Variants in SCFD1 observed in about 807,000 individuals in gnomAD.
SCFD1 encodes the protein sec1 family domain-containing protein 1.
A neutral mutation model predicts 103.2 loss-of-function variants in SCFD1; 37 were observed. The ratio of observed to expected loss-of-function variants is 0.36; its 90% confidence interval spans 0.28 to 0.47. SCFD1 has a LOEUF of 0.47. Among genes scored for constraint, SCFD1 ranks in the 20% least tolerant of loss-of-function variants. The pLI is 1.00. For missense variants in SCFD1, 639 were observed against 761.2 expected (o/e 0.84, Z 1.89); for synonymous variants, 264 against 245.0 (o/e 1.08, Z -0.73).
At chr14:30,653,711 C>A in intron 10 of SCFD1, 123 bp downstream of exon 10, 1 of 610,022 alleles carries the variant, frequency 1.6e-6, no homozygotes, top group Non-Finnish European at 2.8e-6. Context: ...GACCTATGAA[C>A]AAAACAAGTG....
At chr14:30,680,534 T>C (rs1265112458) in intron 14 of SCFD1, among the ~76,000 whole-genome samples, 1 of 152,228 alleles carries the variant, frequency 6.6e-6, no homozygotes, top group Non-Finnish European at 1.5e-5. Context: ...TCTACCATGC[T>C]GTAGTTCCAT....
intron 20 of SCFD1, among the ~76,000 whole-genome samples, chr14:30,718,407 C>G (rs1490930037): frequency 6.6e-6 from 1 of 152,204 alleles, no homozygotes; most frequent in Admixed American, 6.5e-5. Flanking sequence ...CTTTATAACT[C>G]AAGGCATATT....
chr14:30,689,753 G>T (rs1431857760), intron 14 of SCFD1, among the ~76,000 whole-genome samples: 3 of 113,346 alleles, frequency 2.6e-5, no homozygotes, highest in African/African-American at 1.0e-4. Context: ...TTTGCCTTTG[G>T]TTTGAATGTC....
chr14:30,697,335 G>A (rs566695012), intron 15 of SCFD1, among the ~76,000 whole-genome samples: 3 of 152,156 alleles, frequency 2.0e-5, no homozygotes, highest in Non-Finnish European at 4.4e-5. Context: ...ATAGGCTCCA[G>A]ATGATGACAA....
At chr14:30,732,250 C>T (rs1594780708) in intron 23 of SCFD1, among the ~76,000 whole-genome samples, 4 of 152,098 alleles carry the variant, frequency 2.6e-5, no homozygotes, top group Admixed American at 2.6e-4. Flanking sequence ...ATCATGTTAT[C>T]TATTAATAGA....
rs187118012 is a variant in SCFD1, at chr14:30,683,554, G to T, written c.1242+8489G>T. 14 of 272,850 alleles carry T rather than the reference G, an allele frequency of 5.1e-5. No homozygotes were observed. In the East Asian group the frequency reaches 8.0e-4, roughly 16 times the overall value. 16.9% of individuals were successfully genotyped at this position (272,850 alleles called of 1,614,324 possible). On this transcript the variant is annotated intron_variant, in intron 14 of 24. Transcript: ENST00000458591. Reference sequence around the variant, plus strand: ...AGCTTGGCTCTGCTCCTTTGTGGGAGGCTGCGATGCTAGTGGTGGCTGGGT... The same window carrying T: ...AGCTTGGCTCTGCTCCTTTGTGGGATGCTGCGATGCTAGTGGTGGCTGGGT...
At chr14:30,677,978 T>C (rs1214170396) in intron 14 of SCFD1, among the ~76,000 whole-genome samples, 2 of 151,810 alleles carry the variant, frequency 1.3e-5, no homozygotes, top group Non-Finnish European at 2.9e-5. Context: ...TAGCTGAGAC[T>C]ACAGGCACGG....
At chr14:30,651,204 A>G (rs1886364951) in intron 9 of SCFD1, among the ~76,000 whole-genome samples, 1 of 152,152 alleles carries the variant, frequency 6.6e-6, no homozygotes, top group South Asian at 2.1e-4. Flanking sequence ...ACCCACTCAA[A>G]TGGCTGAGAA....
intron 3 of SCFD1, 150 bp downstream of exon 3, chr14:30,630,715 C>T (rs1259855622): frequency 1.7e-6 from 1 of 578,046 alleles, no homozygotes; most frequent in Non-Finnish European, 3.0e-6. Flanking sequence ...TTAAAAAAAT[C>T]CTCAGTCTGA....
At chr14:30,682,968 A>G in intron 14 of SCFD1, 1 of 696,648 alleles carries the variant, frequency 1.4e-6, no homozygotes, top group Non-Finnish European at 2.3e-6. Context: ...CAGAGTCTAT[A>G]CAGAAATCAC....
intron 7 of SCFD1, among the ~76,000 whole-genome samples, chr14:30,646,880 G>C (rs1885886548): frequency 6.6e-6 from 1 of 151,968 alleles, no homozygotes; most frequent in African/African-American, 2.4e-5. Flanking sequence ...TTTCTGTTAG[G>C]TTTTCTAGTT....
chr14:30,634,564 C>T (rs1170455591), intron 4 of SCFD1, among the ~76,000 whole-genome samples: 1 of 152,110 alleles, frequency 6.6e-6, no homozygotes, highest in Non-Finnish European at 1.5e-5. Flanking sequence ...CAAATAAGGG[C>T]AACCACTGTA....
At chr14:30,675,089 A>G (rs1888914493) in intron 14 of SCFD1, 24 bp downstream of exon 14, 1 of 1,317,384 alleles carries the variant, frequency 7.6e-7, no homozygotes, top group South Asian at 1.4e-5. Context: ...TTTCCCCCCC[A>G]CAATATGACT....
chr14:30,654,638 C>A (rs1374357546), intron 10 of SCFD1, among the ~76,000 whole-genome samples: 2 of 148,564 alleles, frequency 1.3e-5, no homozygotes, highest in African/African-American at 5.0e-5. Context: ...TGTGCCACTG[C>A]ACTCCAGCCT....
chr14:30,705,758 A>C, intron 17 of SCFD1, 65 bp from the exon 18 acceptor site: 147 of 1,239,984 alleles, frequency 1.2e-4, no homozygotes, highest in Middle Eastern at 3.8e-4. Context: ...TAGATATTTT[A>C]ATACCGTGAC....
At chr14:30,644,271 C>A (rs185696133) in intron 7 of SCFD1, among the ~76,000 whole-genome samples, 2 of 152,288 alleles carry the variant, frequency 1.3e-5, no homozygotes, top group Non-Finnish European at 2.9e-5. Context: ...TAGGTTGATT[C>A]CATGTCTTTG....
intron 14 of SCFD1, among the ~76,000 whole-genome samples, chr14:30,692,444 G>T (rs571515863): frequency 1.3e-5 from 2 of 152,158 alleles, no homozygotes; most frequent in African/African-American, 4.8e-5. Context: ...ACTGGGAGAG[G>T]GTCAGAAAAG....
chr14:30,714,118 C>A (rs1892090196), intron 19 of SCFD1, among the ~76,000 whole-genome samples: 1 of 151,146 alleles, frequency 6.6e-6, no homozygotes, highest in Non-Finnish European at 1.5e-5. Flanking sequence ...GAGGCCGAGG[C>A]AGGTGGATCA....
intron 18 of SCFD1, 139 bp from the exon 19 acceptor site, chr14:30,707,851 C>A (rs747625285): frequency 1.1e-5 from 8 of 742,364 alleles, no homozygotes. Flanking sequence ...TTCTCAAGAC[C>A]CTTCTGTTTA....
Sources: allele counts gnomAD v4.1 joint callset (sites outside exome capture counted in the v4.1 genomes callset), GRCh38; gene constraint gnomAD v4.1.1; transcripts MANE v1.5; gene names NCBI Gene and HGNC (gene_info 2026-07-23, HGNC 2026-07-21).